Variants in CNTN5 observed in about 807,000 individuals in gnomAD.
CNTN5 encodes contactin 5.
In CNTN5, 77 loss-of-function variants were observed where a neutral mutation model predicts 129.1. That is an observed-to-expected ratio of 0.60 (90% CI 0.50 to 0.72). The LOEUF is 0.72. Among genes scored for constraint, CNTN5 ranks in the 30% least tolerant of loss-of-function variants. CNTN5 has a pLI of 0.00. For missense variants in CNTN5, 1,478 were observed against 1,328.8 expected (o/e 1.11, Z -1.75); for synonymous variants, 509 against 465.6 (o/e 1.09, Z -1.20).
intron 2 of CNTN5, among the ~76,000 whole-genome samples, chr11:99,456,843 A>C (rs1177846736): frequency 6.6e-6 from 1 of 152,056 alleles, no homozygotes; most frequent in Non-Finnish European, 1.5e-5. Flanking sequence ...CAAGAACTAA[A>C]TTTTAGGGCA....
rs368502628 is a variant in CNTN5, at chr11:99,825,064, T to C, written c.277+5299T>C. On this transcript the variant is annotated intron_variant, in intron 4 of 24. Transcript: ENST00000524871. ...TTATTTCTGTTAGTTCTTGCTCATA[T>C]GGCGTTGTCTAATAGTATGTGTTAG... Among the ~76,000 whole-genome samples, 202 of 152,174 alleles carry C rather than the reference T, an allele frequency of 1.3e-3. 5 individuals carry two copies. The South Asian group carries it at 0.04, about 30-fold the overall frequency.
intron 2 of CNTN5, among the ~76,000 whole-genome samples, chr11:99,535,270 A>T (rs1475464317): frequency 1.3e-5 from 2 of 152,234 alleles, no homozygotes; most frequent in Non-Finnish European, 2.9e-5. Flanking sequence ...GTAGGCTATT[A>T]CTGTAGCAAT....
chr11:99,846,352 T>C, intron 6 of CNTN5, among the ~76,000 whole-genome samples: 1 of 104,030 alleles, frequency 9.6e-6, no homozygotes, highest in African/African-American at 4.2e-5. Flanking sequence ...AGTGAGGATC[T>C]GTCTCAAAAA....
intron 1 of CNTN5, among the ~76,000 whole-genome samples, chr11:99,030,941 T>C (rs1436529159): frequency 4.6e-5 from 7 of 152,004 alleles, no homozygotes; most frequent in Non-Finnish European, 1.0e-4. Context: ...CCACCACGCC[T>C]GGCTAATTTT....
At chr11:99,205,174 AAC>A (rs1177761378) in intron 1 of CNTN5, among the ~76,000 whole-genome samples, 1 of 84,062 alleles carries the variant, frequency 1.2e-5, no homozygotes, top group Admixed American at 1.1e-4. Context: ...CAAACAAACA[AAC>A]AAAAAAAACT....
At chr11:100,020,926 A>G (rs939177645) in intron 9 of CNTN5, among the ~76,000 whole-genome samples, 2 of 152,134 alleles carry the variant, frequency 1.3e-5, no homozygotes, top group African/African-American at 2.4e-5. Context: ...GAAGAAGAAA[A>G]AAATAAATAG....
intron 6 of CNTN5, among the ~76,000 whole-genome samples, chr11:99,911,759 T>G (rs1261399606): frequency 1.3e-5 from 2 of 150,302 alleles, no homozygotes; most frequent in East Asian, 2.0e-4. Context: ...AAAAGAAAAA[T>G]AACTTTCTGA....
At chr11:100,257,860 C>T (rs1409013805) in intron 17 of CNTN5, among the ~76,000 whole-genome samples, 1 of 152,064 alleles carries the variant, frequency 6.6e-6, no homozygotes, top group East Asian at 1.9e-4. Flanking sequence ...GCTGAAAATT[C>T]CAAAAACCAG....
chr11:99,944,577 C>G (rs1950514522), intron 7 of CNTN5, among the ~76,000 whole-genome samples: 1 of 152,068 alleles, frequency 6.6e-6, no homozygotes, highest in African/African-American at 2.4e-5. Flanking sequence ...CAAATTGTCT[C>G]TATTTGCAGA....
chr11:99,704,505 T>C (rs1011736755), intron 3 of CNTN5, among the ~76,000 whole-genome samples: 1 of 151,114 alleles, frequency 6.6e-6, no homozygotes, highest in Non-Finnish European at 1.5e-5. Flanking sequence ...AAAATATATA[T>C]GAAATACTAG....
intron 2 of CNTN5, among the ~76,000 whole-genome samples, chr11:99,327,631 A>C (rs1319467155): frequency 2.0e-5 from 3 of 152,214 alleles, no homozygotes; most frequent in Non-Finnish European, 2.9e-5. Flanking sequence ...CTCCAAAAAG[A>C]CATAAGTGAA....
chr11:99,425,733 C>G (rs1279444790), intron 2 of CNTN5, among the ~76,000 whole-genome samples: 4 of 152,244 alleles, frequency 2.6e-5, no homozygotes, highest in Non-Finnish European at 1.5e-5. Flanking sequence ...CCGAGGTCTG[C>G]AGCCATGGCT....
intron 9 of CNTN5, among the ~76,000 whole-genome samples, chr11:100,038,464 T>C (rs1309796985): frequency 1.3e-5 from 2 of 152,164 alleles, no homozygotes; most frequent in African/African-American, 2.4e-5. Context: ...GGTGGAGAGT[T>C]CTGTAAATGT....
At chr11:99,600,071 T>A (rs1950267017) in intron 3 of CNTN5, among the ~76,000 whole-genome samples, 1 of 151,992 alleles carries the variant, frequency 6.6e-6, no homozygotes, top group Non-Finnish European at 1.5e-5. Context: ...AGGAATAAAC[T>A]CAGTCGTTGA....
intron 1 of CNTN5, among the ~76,000 whole-genome samples, chr11:99,280,283 A>G (rs1481044819): frequency 6.6e-6 from 1 of 151,814 alleles, no homozygotes; most frequent in Non-Finnish European, 1.5e-5. Flanking sequence ...TTTAACACAT[A>G]TGAAATAAAT....
chr11:99,697,268 A>G (rs1476199464), intron 3 of CNTN5, among the ~76,000 whole-genome samples: 1 of 151,828 alleles, frequency 6.6e-6, no homozygotes, highest in East Asian at 1.9e-4. Context: ...TTTCTTCCCA[A>G]GAATAGAGTG....
intron 13 of CNTN5, among the ~76,000 whole-genome samples, chr11:100,155,098 G>A (rs1029166239): frequency 6.6e-6 from 1 of 152,048 alleles, no homozygotes; most frequent in African/African-American, 2.4e-5. Context: ...CTTTGCCCAT[G>A]CTTATGTCCT....
At chr11:99,519,574 C>T (rs1286922389) in intron 2 of CNTN5, among the ~76,000 whole-genome samples, 1 of 151,940 alleles carries the variant, frequency 6.6e-6, no homozygotes, top group Non-Finnish European at 1.5e-5. Context: ...CAATTTTCTT[C>T]CTTCTAATTA....
At chr11:99,757,813 T>C (rs1944451773) in intron 3 of CNTN5, among the ~76,000 whole-genome samples, 1 of 152,088 alleles carries the variant, frequency 6.6e-6, no homozygotes, top group African/African-American at 2.4e-5. Context: ...TATATATTAG[T>C]TCCTTTATAT....
Sources: allele counts gnomAD v4.1 joint callset (sites outside exome capture counted in the v4.1 genomes callset), GRCh38; gene constraint gnomAD v4.1.1; transcripts MANE v1.5; gene names NCBI Gene and HGNC (gene_info 2026-07-23, HGNC 2026-07-21).